Variants in CFHR3 observed in about 807,000 individuals in gnomAD.
The protein encoded by CFHR3 is complement factor H-related protein 3.
Under a neutral mutation model 36.0 loss-of-function variants are expected in CFHR3, and 22 were observed. The ratio of observed to expected loss-of-function variants is 0.61; its 90% CI spans 0.44 to 0.87. The LOEUF (loss-of-function observed/expected upper bound fraction) is 0.87. Ranked by LOEUF, CFHR3 falls within the 40% of genes least tolerant of loss-of-function variation. The probability of loss-of-function intolerance (pLI) is 0.00; values close to 1 mark genes in which losing one functional copy is unlikely to be tolerated. For missense variants in CFHR3, 276 were observed against 401.3 expected (o/e 0.69, Z 2.67); for synonymous variants, 97 against 137.4 (o/e 0.71, Z 2.06).
In CFHR3 at chr1:196,794,274, T is replaced by G. The variant is rs1226734493; in HGVS notation, c.*761T>G. On this transcript the variant is annotated 3_prime_UTR_variant, in exon 6 of 6. Transcript: ENST00000367425. The stretch of plus-strand genomic sequence containing the variant: ...GGTCAAAAGTTCAAGACCAGCCTGT[T>G]CAACACGGTGAAACCCTGTCTCTAC... 1.5e-5 allele frequency among the ~76,000 whole-genome samples: 2 copies of G among 136,292 alleles called. No individual in the cohort carries two copies. Among genetic ancestry groups the G allele is most frequent in the Admixed American group, 1.4e-4 (2 of 14,134 alleles). 89.4% of individuals were successfully genotyped at this position (136,292 alleles called of 152,430 possible).
chr1:196,778,296 C>A (rs1304261106), intron 1 of CFHR3, among the ~76,000 whole-genome samples: 1 of 136,546 alleles, frequency 7.3e-6, no homozygotes, highest in African/African-American at 3.1e-5. Flanking sequence ...TTAGTCTTCT[C>A]ATCTGCACAC....
chr1:196,780,152 T>C (rs1434981783), intron 3 of CFHR3, among the ~76,000 whole-genome samples, 179 bp downstream of exon 3: 1 of 137,940 alleles, frequency 7.2e-6, no homozygotes, highest in Non-Finnish European at 1.5e-5. Context: ...GATAAGTACA[T>C]AGCAAAATAA....
intron 3 of CFHR3, among the ~76,000 whole-genome samples, chr1:196,787,420 G>T (rs1436120139): frequency 4.4e-5 from 6 of 136,952 alleles, no homozygotes; most frequent in African/African-American, 1.8e-4. Context: ...TTATAAATAT[G>T]CATCATCTTT....
In CFHR3 at chr1:196,793,533, A is replaced by G. The variant is rs776991296; in HGVS notation, c.*20A>G. 1.3e-6 allele frequency: 2 copies of G among 1,507,590 alleles called. No homozygotes were observed. Among genetic ancestry groups the G allele is most frequent in the Non-Finnish European group, 1.8e-6 (2 of 1,113,690 alleles). The allele number at this position is 1,507,590 out of a possible 1,614,324, so 93.4% of individuals were successfully genotyped here. On this transcript the variant is annotated 3_prime_UTR_variant, in exon 6 of 6. Transcript: ENST00000367425. ...GAATAAGGCAGCATTGTTACCCTAAATGTATGTCCAACTTCCACTTTTCCA... is the reference window on the plus strand; with the variant it reads ...GAATAAGGCAGCATTGTTACCCTAAGTGTATGTCCAACTTCCACTTTTCCA...
At chr1:196,791,463 G>A (rs115894329) in intron 5 of CFHR3, among the ~76,000 whole-genome samples, 23,186 of 118,512 alleles carry the variant, frequency 0.2, 4,594 homozygotes, top group East Asian at 0.45. Context: ...CTCTTAAACT[G>A]TAAGTTCATG....
chr1:196,780,053 T>A, intron 3 of CFHR3, 80 bp downstream of exon 3: 1 of 1,479,912 alleles, frequency 6.8e-7, no homozygotes, highest in Non-Finnish European at 9.2e-7. Context: ...TTGTCTATAT[T>A]AACTGTGGCA....
Position 196,788,336 on chromosome 1 carries a change from G to T in CFHR3, c.551G>T (p.Gly184Val). ...AAACCAGGATATGCAACAGCAGATG[G>T]AAATTCTTCAGGATCAATTACATGT... ...KCKPGYATAD[G>V]NSSGSITCLQ... Residue 184 changes from glycine (G) to valine (V), a missense_variant, in exon 4 of 6, where the codon GGA becomes GTA. Around this residue, in one of 3 missense-constraint regions of CFHR3, gnomAD observed 178 missense variants for 247.2 expected, o/e 0.72. Transcript: ENST00000367425. 1 of 1,528,600 alleles carries T rather than the reference G, an allele frequency of 6.5e-7. No homozygotes were observed. The highest frequency in any genetic ancestry group is 8.8e-7 in the Non-Finnish European group (1 of 1,131,478). The allele number at this position is 1,528,600 out of a possible 1,614,324, so 94.7% of individuals were successfully genotyped here. A position where few individuals can be genotyped will look rare whatever the true frequency, so the allele number is the denominator to read the frequency against.
chr1:196,776,111 A>G lies in CFHR3; in HGVS notation c.58+1167A>G, dbSNP rs1234119040. 3.3e-5 allele frequency among the ~76,000 whole-genome samples: 4 copies of G among 121,674 alleles called. 1 individual carries two copies. Among genetic ancestry groups the G allele is most frequent in the African/African-American group, 1.3e-4 (4 of 30,374 alleles). The allele number at this position is 121,674 out of a possible 152,430, so 79.8% of individuals were successfully genotyped here. On this transcript the variant is annotated intron_variant, in intron 1 of 5. Coordinates refer to ENST00000367425, the MANE Select transcript of CFHR3 (RefSeq NM_021023.6). ...ACTAAATAGATTAAAGTAGAATGCAAAGAAGAAAATACTACTATTTTGAAA... is the reference window on the plus strand; with the variant it reads ...ACTAAATAGATTAAAGTAGAATGCAGAGAAGAAAATACTACTATTTTGAAA...
At position 196,784,168 on chromosome 1, in the gene CFHR3, C is replaced by T. The variant is rs1190984266; in HGVS notation, c.431-4048C>T. Among the ~76,000 whole-genome samples, 68 of 136,164 alleles carry T rather than the reference C, an allele frequency of 5.0e-4. 10 individuals carry two copies. The highest frequency in any genetic ancestry group is 1.0e-3 in the South Asian group (4 of 3,912). The allele number at this position is 136,164 out of a possible 152,430, so 89.3% of individuals were successfully genotyped here. A position where few individuals can be genotyped will look rare whatever the true frequency, so the allele number is the denominator to read the frequency against. ...TTTGATTGCACTGTGGTCTGAGAGA[C>T]AGTTTGTTATAATTTCTGTTCTTTT... On this transcript the variant is annotated intron_variant, in intron 3 of 5. Coordinates refer to ENST00000367425, the MANE Select transcript of CFHR3 (RefSeq NM_021023.6).
chr1:196,787,314 A>G (rs1397290171), intron 3 of CFHR3, among the ~76,000 whole-genome samples: 1 of 137,332 alleles, frequency 7.3e-6, no homozygotes, highest in Non-Finnish European at 1.5e-5. Flanking sequence ...GCTGTTTACA[A>G]TAGAAACTGA....
In CFHR3 at chr1:196,784,083, T is replaced by C. The variant is rs1446502064; in HGVS notation, c.430+4110T>C. The stretch of plus-strand genomic sequence containing the variant: ...GTACCCAGTAGTCATTCAGGAGCAG[T>C]TTGTTCAGTTTCCATGTAGTTGAGC... On this transcript the variant is annotated intron_variant, in intron 3 of 5. Coordinates refer to ENST00000367425, the MANE Select transcript of CFHR3 (RefSeq NM_021023.6). Among the ~76,000 whole-genome samples the C allele has an allele frequency of 2.9e-5, 4 of 136,444 alleles. 1 individual carries two copies. Among genetic ancestry groups the C allele is most frequent in the South Asian group, 2.6e-4 (1 of 3,898 alleles). 89.5% of individuals were successfully genotyped at this position (136,444 alleles called of 152,430 possible).
In CFHR3 at chr1:196,790,893, C is replaced by T. The variant is rs1283869145; in HGVS notation, c.796+666C>T. On this transcript the variant is annotated intron_variant, in intron 5 of 5. Coordinates refer to ENST00000367425, the MANE Select transcript of CFHR3 (RefSeq NM_021023.6). Reference sequence around the variant, plus strand: ...CTTCAAGAATGACAACCATTTATTGCGCACATATGAAATATGGCATCTCAG... The same window carrying T: ...CTTCAAGAATGACAACCATTTATTGTGCACATATGAAATATGGCATCTCAG... 3.7e-4 allele frequency among the ~76,000 whole-genome samples: 50 copies of T among 135,712 alleles called. 16 individuals are homozygous for T. Among genetic ancestry groups the T allele is most frequent in the African/African-American group, 1.4e-3 (46 of 32,516 alleles). 89.0% of individuals were successfully genotyped at this position (135,712 alleles called of 152,430 possible). A position where few individuals can be genotyped will look rare whatever the true frequency, so the allele number is the denominator to read the frequency against.
rs537611189 is a variant in CFHR3, at chr1:196,785,512, C to G, written c.431-2704C>G. On this transcript the variant is annotated intron_variant, in intron 3 of 5. Coordinates refer to ENST00000367425, the MANE Select transcript of CFHR3 (RefSeq NM_021023.6). ...GAGGTTTTGTTCATTTCTTTTTGGT[C>G]TTTTTTCTCTAAACTTCCCTTCTCG... Among the ~76,000 whole-genome samples the G allele has an allele frequency of 3.7e-5, 5 of 135,356 alleles. 1 individual carries two copies. The South Asian group carries it at 1.3e-3, about 35-fold the overall frequency. 88.8% of individuals were successfully genotyped at this position (135,356 alleles called of 152,430 possible).
chr1:196,782,775 C>T lies in CFHR3; in HGVS notation c.430+2802C>T, dbSNP rs1654010920. On this transcript the variant is annotated intron_variant, in intron 3 of 5. Coordinates refer to ENST00000367425, the MANE Select transcript of CFHR3 (RefSeq NM_021023.6). ...CAAGGACAATTTGACTTCCTCTTTT[C>T]CTAATTGAATACCCTTTATTTCTTT... Among the ~76,000 whole-genome samples, 2 of 136,950 alleles carry T rather than the reference C, an allele frequency of 1.5e-5. 1 individual carries two copies. The highest frequency in any genetic ancestry group is 3.9e-4 in the East Asian group (2 of 5,122). The allele number at this position is 136,950 out of a possible 152,430, so 89.8% of individuals were successfully genotyped here.
chr1:196,779,899 G>T lies in CFHR3; in HGVS notation c.356G>T (p.Gly119Val), dbSNP rs751334760. ...GAAGTTGCCTGCCATCCTGGCTACG[G>T]TCTTCCAAAAGCGCAGACCACAGTT... ...STEVACHPGY[G>V]LPKAQTTVTC... Residue 119 changes from glycine to valine, a missense_variant, in exon 3 of 6, where the codon GGT (glycine) becomes GTT (valine). Physicochemically the swap from Gly to Val is moderately radical, Grantham distance 109. Around this residue, in one of 3 missense-constraint regions of CFHR3, gnomAD observed 178 missense variants for 247.2 expected, o/e 0.72. Transcript: ENST00000367425. 3.8e-5 allele frequency: 59 copies of T among 1,533,196 alleles called. 14 individuals carry two copies. Among genetic ancestry groups the T allele is most frequent in the Non-Finnish European group, 5.1e-5 (58 of 1,133,480 alleles). 95.0% of individuals were successfully genotyped at this position (1,533,196 alleles called of 1,614,324 possible).
rs1034070614 is a variant in CFHR3 at position 196,785,844 on chromosome 1, G to C, written c.431-2372G>C. 3.6e-5 allele frequency among the ~76,000 whole-genome samples: 5 copies of C among 137,318 alleles called. 1 individual carries two copies. Among genetic ancestry groups the C allele is most frequent in the African/African-American group, 1.5e-4 (5 of 32,944 alleles). The allele number at this position is 137,318 out of a possible 152,430, so 90.1% of individuals were successfully genotyped here. ...CGTCCAGCTTTGTTCCGTTGCTGGT[G>C]AGGAACTTTGTTCCTTTGGAGGAGG... On this transcript the variant is annotated intron_variant, in intron 3 of 5. Coordinates refer to ENST00000367425, the MANE Select transcript of CFHR3 (RefSeq NM_021023.6).
chr1:196,784,787 C>G (rs1654121758), intron 3 of CFHR3, among the ~76,000 whole-genome samples: 1 of 134,964 alleles, frequency 7.4e-6, no homozygotes, highest in South Asian at 2.7e-4. Context: ...TTAATTGGAG[C>G]ATTTAGTCCA....
chr1:196,791,251 A>T (rs1654418391), intron 5 of CFHR3, among the ~76,000 whole-genome samples: 1 of 136,360 alleles, frequency 7.3e-6, no homozygotes, highest in Non-Finnish European at 1.5e-5. Flanking sequence ...TCAAGCCAGT[A>T]ATATAGGTAT....
At chr1:196,776,871 G>A (rs1653743614) in intron 1 of CFHR3, among the ~76,000 whole-genome samples, 1 of 135,002 alleles carries the variant, frequency 7.4e-6, no homozygotes. Flanking sequence ...ACAGATTTTA[G>A]AGGGTATTCA....
Sources: gnomAD v4.1 joint callset for allele counts (sites outside exome capture counted in the v4.1 genomes callset) on GRCh38, gnomAD v4.1.1 for gene constraint, gnomAD v4.1.1 regional missense constraint, MANE v1.5 for transcripts, NCBI Gene and HGNC (gene_info 2026-07-23, HGNC 2026-07-21) for gene names.